Variants in HERC1 observed in about 807,000 individuals in gnomAD.
HERC1 encodes the protein HECT and RLD domain containing E3 ubiquitin protein ligase family member 1, also known as probable E3 ubiquitin-protein ligase HERC1.
Under a neutral mutation model 554.3 loss-of-function variants are expected in HERC1, and 160 were observed. That is an observed-to-expected ratio of 0.29 (90% CI 0.25 to 0.33). HERC1 has a LOEUF of 0.33. HERC1 is among the 10% of genes least tolerant of loss of function. The probability of loss-of-function intolerance (pLI) is 1.00; values close to 1 mark genes in which losing one functional copy is unlikely to be tolerated. For missense variants in HERC1, 4,919 were observed against 5,918.5 expected (o/e 0.83, Z 5.54); for synonymous variants, 2,175 against 2,131.7 (o/e 1.02, Z -0.56).
chr15:63,667,157 A>G (rs893231815), intron 40 of HERC1, among the ~76,000 whole-genome samples: 6 of 152,236 alleles, frequency 3.9e-5, no homozygotes, highest in African/African-American at 1.4e-4. Flanking sequence ...TATGTATTAA[A>G]TGTGGTATCT....
chr15:63,648,695 G>C (rs896817659), intron 54 of HERC1, among the ~76,000 whole-genome samples: 27 of 152,152 alleles, frequency 1.8e-4, no homozygotes, highest in African/African-American at 6.5e-4. Flanking sequence ...AACACTGAAA[G>C]ACTACAAAAG....
chr15:63,754,472 G>C, intron 7 of HERC1, 33 bp downstream of exon 7: 1 of 1,525,778 alleles, frequency 6.6e-7, no homozygotes, highest in East Asian at 2.3e-5. Flanking sequence ...CAAGAAAAAA[G>C]CCAAAGCTAC....
intron 25 of HERC1, among the ~76,000 whole-genome samples, chr15:63,699,227 C>T (rs1443574535): frequency 2.0e-5 from 3 of 152,136 alleles, no homozygotes; most frequent in African/African-American, 7.2e-5. Context: ...TTTGATGTAC[C>T]AGTGTCTCTG....
intron 32 of HERC1, 115 bp downstream of exon 32, chr15:63,690,426 G>A (rs558910066): frequency 2.0e-5 from 13 of 652,102 alleles, no homozygotes; most frequent in South Asian, 9.2e-5. Context: ...AAAAGTAAAC[G>A]TTATGCTATT....
chr15:63,767,733 C>T (rs780687537), intron 2 of HERC1, among the ~76,000 whole-genome samples: 12 of 152,094 alleles, frequency 7.9e-5, no homozygotes, highest in Non-Finnish European at 1.6e-4. Flanking sequence ...TCTTGCTACC[C>T]TCAAATCAAT....
At chr15:63,693,170 T>A (rs2072213371) in intron 30 of HERC1, among the ~76,000 whole-genome samples, 2 of 151,208 alleles carry the variant, frequency 1.3e-5, no homozygotes, top group Admixed American at 1.3e-4. Context: ...AGGGTGAGAC[T>A]CTGTCTCAAC....
intron 40 of HERC1, among the ~76,000 whole-genome samples, chr15:63,667,247 C>T (rs62014173): frequency 0.16 from 24,061 of 152,112 alleles, 2,217 homozygotes; most frequent in Middle Eastern, 0.22. Context: ...TTCACAGGAA[C>T]TTAACCCTGT....
chr15:63,774,652 A>G (rs1056725434), intron 2 of HERC1, 42 bp downstream of exon 2: 1 of 1,458,452 alleles, frequency 6.9e-7, no homozygotes, highest in Admixed American at 2.4e-5. Flanking sequence ...GACTTTTCCA[A>G]AAACTATTAT....
At chr15:63,719,266 A>G (rs2073703342) in intron 19 of HERC1, among the ~76,000 whole-genome samples, 1 of 152,258 alleles carries the variant, frequency 6.6e-6, no homozygotes, top group Non-Finnish European at 1.5e-5. Flanking sequence ...AAAGTTTCTG[A>G]TAAGGTTACA....
At chr15:63,637,767 GGGAAGAGTT>G in intron 63 of HERC1, 124 bp from the exon 64 acceptor site, 1 of 641,662 alleles carries the variant, frequency 1.6e-6, no homozygotes, top group Non-Finnish European at 2.5e-6. Flanking sequence ...TTTACTGAAA[GGGAAGAGTT>G]GATATAACTA....
chr15:63,812,165 G>C (rs2077343670), intron 1 of HERC1, among the ~76,000 whole-genome samples: 1 of 152,198 alleles, frequency 6.6e-6, no homozygotes. Context: ...CAGACAGCAA[G>C]ATGACAAGTT....
At chr15:63,754,688 A>G in intron 6 of HERC1, 40 bp from the exon 7 acceptor site, 2 of 1,584,830 alleles carry the variant, frequency 1.3e-6, no homozygotes, top group Non-Finnish European at 1.7e-6. Flanking sequence ...AACAACATTA[A>G]CTCTTTTTCT....
chr15:63,663,136 C>T lies in HERC1; in HGVS notation c.8749G>A (p.Asp2917Asn), dbSNP rs745903917. ...SRREGISLQQ[D>N]PGALYDFNLD... ...TTAAAGTCATACAACGCCCCTGGGT[C>T]TTGCTGCAAAGATATTCCTTCTCTC... is the stretch of plus-strand genomic sequence containing the variant. Residue 2917 changes from aspartate to asparagine, a missense_variant, in exon 44 of 78, where the codon GAC becomes AAC. Transcript: ENST00000443617. 12 of 1,613,908 alleles carry T rather than the reference C, an allele frequency of 7.4e-6. No homozygotes were observed. The highest frequency in any genetic ancestry group is 1.0e-5 in the Non-Finnish European group (12 of 1,179,882).
intron 1 of HERC1, among the ~76,000 whole-genome samples, chr15:63,798,916 C>T (rs2076894081): frequency 6.6e-6 from 1 of 152,072 alleles, no homozygotes; most frequent in African/African-American, 2.4e-5. Flanking sequence ...AGATATTTTA[C>T]CATCAGGTTT....
rs117275825 is a variant in HERC1, at chr15:63,751,232, T to A, written c.1903-1441A>T. Among the ~76,000 whole-genome samples, 115 of 152,330 alleles carry A rather than the reference T, an allele frequency of 7.5e-4. 1 individual carries two copies. The East Asian group carries it at 0.02, about 27-fold the overall frequency. On this transcript the variant is annotated intron_variant, in intron 8 of 77. Coordinates refer to ENST00000443617, the MANE Select transcript of HERC1 (RefSeq NM_003922.4). ...CAGTATTTTTACTGTAACTTTTCTA[T>A]GTTTAGATATGTTTAGATACATACT...
At position 63,732,913 on chromosome 15, in the gene HERC1, G is replaced by A; in HGVS notation, c.2868+11C>T. The stretch of plus-strand genomic sequence containing the variant: ...TTATTCTTTTTTTACTACAATGAAA[G>A]AACAACTTACTGTATAAAATCCTAA... On this transcript the variant is annotated intron_variant, in intron 14 of 77. Coordinates refer to ENST00000443617, the MANE Select transcript of HERC1 (RefSeq NM_003922.4). 1 of 1,545,868 alleles carries A rather than the reference G, an allele frequency of 6.5e-7. No homozygotes were observed. The highest frequency in any genetic ancestry group is 8.9e-7 in the Non-Finnish European group (1 of 1,119,232).
At chr15:63,811,816 AAAAAAAAAAAAACAGAAAGG>A (rs2145323892) in intron 1 of HERC1, among the ~76,000 whole-genome samples, 1 of 151,766 alleles carries the variant, frequency 6.6e-6, no homozygotes, top group African/African-American at 2.4e-5. Context: ...CTCCAAAAAA[AAAAAAAAAAAAACAGAAAGG>A]AAAAAACAAA....
rs777741365 is a variant in HERC1, at chr15:63,608,960, T to A, written c.*121A>T. The A allele has an allele frequency of 1.3e-6, 1 of 772,802 alleles. No individual in the cohort carries two copies. Among genetic ancestry groups the A allele is most frequent in the African/African-American group, 1.8e-5 (1 of 55,910 alleles). 47.9% of individuals were successfully genotyped at this position (772,802 alleles called of 1,614,324 possible). ...ATTTAGAGTAACTAAATGTGGCCAT[T>A]GTTTATAATGTTGGTTTATGTTCTT... is the stretch of plus-strand genomic sequence containing the variant. On this transcript the variant is annotated 3_prime_UTR_variant, in exon 78 of 78. Coordinates refer to ENST00000443617, the MANE Select transcript of HERC1 (RefSeq NM_003922.4).
At chr15:63,643,808 C>T (rs1431710179) in intron 57 of HERC1, among the ~76,000 whole-genome samples, 1 of 152,170 alleles carries the variant, frequency 6.6e-6, no homozygotes, top group African/African-American at 2.4e-5. Context: ...GAAATAACAT[C>T]TCAAAGTTCT....
Sources: gnomAD v4.1 joint callset for allele counts (sites outside exome capture counted in the v4.1 genomes callset) on GRCh38, gnomAD v4.1.1 for gene constraint, MANE v1.5 for transcripts, NCBI Gene and HGNC (gene_info 2026-07-23, HGNC 2026-07-21) for gene names.